MLIP: variants seen among roughly 807,000 people sequenced by gnomAD.
MLIP encodes the protein muscular LMNA interacting protein, also known as muscular LMNA-interacting protein.
MLIP carries 79 observed loss-of-function variants against 84.8 expected under a neutral mutation model. The observed-to-expected ratio is 0.93, with a 90% CI of 0.78 to 1.12. The LOEUF is 1.12. Ranked by LOEUF, MLIP falls within the 50% of genes most tolerant of loss-of-function variation. The probability of loss-of-function intolerance (pLI) is 0.00; values close to 1 mark genes in which losing one functional copy is unlikely to be tolerated. For missense variants in MLIP, 1,257 were observed against 1,160.6 expected (o/e 1.08, Z -1.21); for synonymous variants, 504 against 463.0 (o/e 1.09, Z -1.14).
At chr6:54,217,372 G>A in intron 11 of MLIP, 3 of 985,444 alleles carry the variant, frequency 3.0e-6, no homozygotes, top group Non-Finnish European at 3.6e-6. Flanking sequence ...AATGGAAACA[G>A]TTTTTGAAGT....
intron 9 of MLIP, 133 bp downstream of exon 9, chr6:54,169,705 T>C (rs1775578101): frequency 4.3e-6 from 2 of 465,182 alleles, no homozygotes; most frequent in Non-Finnish European, 7.3e-6. Flanking sequence ...GATGATATGA[T>C]TGCAGATACA....
At chr6:54,033,758 AT>A (rs1764271714) in intron 1 of MLIP, among the ~76,000 whole-genome samples, 1 of 152,046 alleles carries the variant, frequency 6.6e-6, no homozygotes, top group Non-Finnish European at 1.5e-5. Context: ...CATACTTTGT[AT>A]TTACCCCAAT....
chr6:54,217,637 C>T (rs1779940854), intron 11 of MLIP: 1 of 983,416 alleles, frequency 1.0e-6, no homozygotes, highest in Non-Finnish European at 1.2e-6. Context: ...TTTCAAAAAT[C>T]AAGCTCCTCA....
intron 1 of MLIP, among the ~76,000 whole-genome samples, chr6:54,061,861 G>T (rs533242552): frequency 6.6e-6 from 1 of 152,294 alleles, no homozygotes; most frequent in African/African-American, 2.4e-5. Flanking sequence ...GGTTAGTTTA[G>T]AAGTCCTATT....
chr6:54,128,456 A>C (rs531391736), intron 3 of MLIP, among the ~76,000 whole-genome samples: 2 of 152,260 alleles, frequency 1.3e-5, no homozygotes, highest in Non-Finnish European at 2.9e-5. Context: ...TGAATCAAAG[A>C]TGTCTGAGAG....
In MLIP at chr6:54,120,247, T is replaced by A. The variant is rs866394273; in HGVS notation, c.97-1200T>A. Among the ~76,000 whole-genome samples the A allele has an allele frequency of 7.1e-4, 108 of 152,218 alleles. 1 individual carries two copies. Among genetic ancestry groups the A allele is most frequent in the African/African-American group, 2.3e-3 (97 of 41,550 alleles). ...TTGCGACTTCTTTTTTTTATTTTTT[T>A]TTTTTGAGACGGAGTCTCGCTCTGT... On this transcript the variant is annotated intron_variant, in intron 1 of 13. Coordinates refer to ENST00000502396, the MANE Select transcript of MLIP (RefSeq NM_001281747.2).
rs181587432 is a variant in MLIP, at chr6:54,194,792, T to C, written c.2589+4878T>C. Among the ~76,000 whole-genome samples the C allele has an allele frequency of 2.8e-3, 419 of 151,840 alleles. 2 individuals are homozygous for C. Among genetic ancestry groups the C allele is most frequent in the Admixed American group, 3.2e-3 (49 of 15,202 alleles). ...ATTATTCTGATGAAAAAACTGAAGT[T>C]TAAATATCTAGAATGCCATGTCAAT... On this transcript the variant is annotated intron_variant, in intron 10 of 13. Transcript: ENST00000502396.
chr6:54,252,478 T>A lies in MLIP; in HGVS notation c.2923-4830T>A, dbSNP rs538271184. The stretch of plus-strand genomic sequence containing the variant: ...ATTATAACATATAATATAAATATAA[T>A]ATATTATAACATAATATAAATATAA... On this transcript the variant is annotated intron_variant, in intron 12 of 13. Transcript: ENST00000502396. Among the ~76,000 whole-genome samples the A allele has an allele frequency of 2.5e-4, 34 of 138,638 alleles. No homozygotes were observed. In the South Asian group the frequency reaches 7.1e-3, roughly 29 times the overall value. 91.0% of individuals were successfully genotyped at this position (138,638 alleles called of 152,430 possible). A position where few individuals can be genotyped will look rare whatever the true frequency, so the allele number is the denominator to read the frequency against.
At chr6:54,190,090 C>A (rs1365453114) in intron 10 of MLIP, among the ~76,000 whole-genome samples, 176 bp downstream of exon 10, 2 of 152,112 alleles carry the variant, frequency 1.3e-5, no homozygotes, top group Non-Finnish European at 2.9e-5. Flanking sequence ...TTGCAGGTGA[C>A]AAACATACGT....
Position 54,124,579 on chromosome 6 carries a change from G to A in MLIP, c.359G>A (p.Arg120Lys). 6.2e-7 allele frequency: 1 copy of A among 1,614,182 alleles called. No individual in the cohort carries two copies. Among genetic ancestry groups the A allele is most frequent in the Non-Finnish European group, 8.5e-7 (1 of 1,180,024 alleles). Residue 120 changes from arginine (R) to lysine (K), a missense_variant, in exon 3 of 14, where the codon AGG becomes AAG. Arg to Lys is a conservative substitution (Grantham distance 26). Coordinates refer to ENST00000502396, the MANE Select transcript of MLIP (RefSeq NM_001281747.2). The stretch of plus-strand genomic sequence containing the variant: ...GTCAGTGGAACGATTTTACAAGAAA[G>A]GGAATTCGAAGCAAACAAACTTCAA... The part of the protein sequence containing the change: ...SEVSGTILQE[R>K]EFEANKLQGM...
chr6:54,078,109 C>T (rs146137559), intron 1 of MLIP, among the ~76,000 whole-genome samples: 42 of 152,298 alleles, frequency 2.8e-4, no homozygotes, highest in South Asian at 4.1e-4. Context: ...CCTCCCCTGA[C>T]GGGCAGGAGG....
rs1261244028 is a variant in MLIP, at chr6:54,083,677, C to A, written c.64-37770C>A. Reference sequence around the variant, plus strand: ...TACTGTCACCCTGTTATACATTTAACATCAATGATAGCTGTGTACTGTCTT... The same window carrying A: ...TACTGTCACCCTGTTATACATTTAAAATCAATGATAGCTGTGTACTGTCTT... On this transcript the variant is annotated intron_variant, in intron 1 of 12. Coordinates refer to the MLIP transcript ENST00000274897. The A allele has an allele frequency of 3.3e-6, 5 of 1,495,928 alleles. No individual in the cohort carries two copies. The African/African-American group carries it at 6.9e-5, about 21-fold the overall frequency. The allele number at this position is 1,495,928 out of a possible 1,614,324, so 92.7% of individuals were successfully genotyped here. A position where few individuals can be genotyped will look rare whatever the true frequency, so the allele number is the denominator to read the frequency against.
chr6:54,043,212 G>T (rs112666552), intron 1 of MLIP: 48 of 152,292 alleles, frequency 3.2e-4, no homozygotes, highest in African/African-American at 1.1e-3. Flanking sequence ...GCCTGAGGCC[G>T]TCTTCTCCCA....
intron 1 of MLIP, chr6:54,058,969 A>G (rs1299752291): frequency 6.6e-6 from 1 of 152,190 alleles, no homozygotes; most frequent in Non-Finnish European, 1.5e-5. Flanking sequence ...CCGTAGTTGA[A>G]CCTGAATGGT....
chr6:54,124,731 C>T lies in MLIP; in HGVS notation c.511C>T (p.Arg171Trp), dbSNP rs769959762. Residue 171 changes from arginine to tryptophan, a missense_variant, in exon 3 of 14, where the codon CGG becomes TGG. Coordinates refer to ENST00000502396, the MANE Select transcript of MLIP (RefSeq NM_001281747.2). Reference sequence around the variant, plus strand: ...AGGGGGGATTGGCACCGCAGCTGTCCGGCCCAAGTCTCTAGCTATCTCGTC... The same window carrying T: ...AGGGGGGATTGGCACCGCAGCTGTCTGGCCCAAGTCTCTAGCTATCTCGTC... ...PPGGIGTAAVRPKSLAISSSL... is the reference protein window; with the variant it reads ...PPGGIGTAAVWPKSLAISSSL... The T allele has an allele frequency of 9.9e-6, 16 of 1,614,062 alleles. No individual in the cohort carries two copies. Among genetic ancestry groups the T allele is most frequent in the South Asian group, 5.5e-5 (5 of 91,086 alleles).
chr6:54,078,497 C>G (rs922439763), intron 1 of MLIP, among the ~76,000 whole-genome samples: 109 of 152,188 alleles, frequency 7.2e-4, no homozygotes, highest in African/African-American at 2.5e-3. Context: ...GGTGAGCAGA[C>G]TGCTTCAGCC....
At chr6:54,228,846 G>A (rs1780786382) in intron 11 of MLIP, among the ~76,000 whole-genome samples, 1 of 152,072 alleles carries the variant, frequency 6.6e-6, no homozygotes, top group Non-Finnish European at 1.5e-5. Context: ...TTCTCACATA[G>A]TTAGTCTTGT....
chr6:54,129,755 A>T (rs1430427341), intron 3 of MLIP, among the ~76,000 whole-genome samples: 2 of 152,202 alleles, frequency 1.3e-5, no homozygotes, highest in Non-Finnish European at 2.9e-5. Context: ...TGGGAGGTGA[A>T]GTGTTCATGG....
intron 1 of MLIP, among the ~76,000 whole-genome samples, chr6:54,062,668 C>A (rs2150334549): frequency 6.6e-6 from 1 of 152,276 alleles, no homozygotes; most frequent in East Asian, 1.9e-4. Context: ...CATCCCTCAA[C>A]AGAATTCTGC....
Sources: allele counts gnomAD v4.1 joint callset (sites outside exome capture counted in the v4.1 genomes callset), GRCh38; gene constraint gnomAD v4.1.1; transcripts MANE v1.5; gene names NCBI Gene and HGNC (gene_info 2026-07-23, HGNC 2026-07-21).